Variants in LHFPL3 observed in about 807,000 individuals in gnomAD.
LHFPL3 encodes LHFPL tetraspan subfamily member 3 protein.
Under a neutral mutation model 19.3 loss-of-function variants are expected in LHFPL3, and 5 were observed. The ratio of observed to expected loss-of-function variants is 0.26; its 90% CI spans 0.14 to 0.54. The LOEUF is 0.54. LHFPL3 is among the 20% of genes least tolerant of loss of function. The probability of loss-of-function intolerance (pLI) is 0.94; values close to 1 mark genes in which losing one functional copy is unlikely to be tolerated. For missense variants in LHFPL3, 249 were observed against 307.4 expected, an observed-to-expected ratio of 0.81 and a Z score of 1.42; for synonymous variants, 133 against 126.2, an observed-to-expected ratio of 1.05 and a Z score of -0.36.
chr7:104,419,011 A>G (rs1266674812), intron 1 of LHFPL3, among the ~76,000 whole-genome samples: 1 of 152,246 alleles, frequency 6.6e-6, no homozygotes, highest in Non-Finnish European at 1.5e-5. Context: ...AATTTACCTA[A>G]GATTACACAG....
At chr7:104,735,229 T>C (rs183560331) in intron 1 of LHFPL3, among the ~76,000 whole-genome samples, 1 of 152,336 alleles carries the variant, frequency 6.6e-6, no homozygotes, top group Non-Finnish European at 1.5e-5. Flanking sequence ...GGAGAACCAC[T>C]ACTCTCTTCA....
intron 1 of LHFPL3, among the ~76,000 whole-genome samples, chr7:104,485,428 TATTTTAC>T (rs1437875474): frequency 1.3e-5 from 2 of 152,166 alleles, no homozygotes; most frequent in Non-Finnish European, 2.9e-5. Context: ...ACTATTGTGA[TATTTTAC>T]CTAGGATTTT....
At chr7:104,639,714 C>T (rs1791794459) in intron 1 of LHFPL3, among the ~76,000 whole-genome samples, 1 of 152,072 alleles carries the variant, frequency 6.6e-6, no homozygotes, top group African/African-American at 2.4e-5. Context: ...TATGGTTTGG[C>T]TCTTGAAAGG....
chr7:104,669,687 A>C (rs1792433585), intron 1 of LHFPL3: 4 of 1,188,472 alleles, frequency 3.4e-6, no homozygotes, highest in Admixed American at 2.5e-5. Flanking sequence ...TCTCCTGAAG[A>C]CCTTTCTTAC....
At chr7:104,906,090 G>C in intron 2 of LHFPL3, 97 bp from the exon 3 acceptor site, 1 of 1,172,156 alleles carries the variant, frequency 8.5e-7, no homozygotes, top group African/African-American at 1.5e-5. Flanking sequence ...TAGTTTTTCC[G>C]TGACAAATAT....
chr7:104,734,423 T>A (rs1374817973), intron 1 of LHFPL3, among the ~76,000 whole-genome samples: 1 of 152,230 alleles, frequency 6.6e-6, no homozygotes, highest in Non-Finnish European at 1.5e-5. Flanking sequence ...CGTTTCTTTT[T>A]ATTCTTTTTT....
Position 104,832,518 on chromosome 7 carries a change from CT to C in LHFPL3, c.683-73668del, listed in dbSNP as rs544470590. Reference sequence around the variant, plus strand: ...TGAGTCCTAAAGCATTTCTTTCATTCTGTTTTTTCTCATCGAGATTACTCCT... The same window carrying C: ...TGAGTCCTAAAGCATTTCTTTCATTCGTTTTTTCTCATCGAGATTACTCCT... On this transcript the variant is annotated intron_variant, in intron 2 of 2. Coordinates refer to ENST00000424859, the MANE Select transcript of LHFPL3 (RefSeq NM_199000.3). Among the ~76,000 whole-genome samples, 72 of 151,688 alleles carry C rather than the reference CT, an allele frequency of 4.7e-4. 2 individuals are homozygous for C. Among genetic ancestry groups the C allele is most frequent in the African/African-American group, 1.7e-3 (70 of 41,194 alleles).
chr7:104,450,104 G>T (rs576630387), intron 1 of LHFPL3, among the ~76,000 whole-genome samples: 37 of 152,176 alleles, frequency 2.4e-4, no homozygotes, highest in Non-Finnish European at 4.9e-4. Context: ...TTTCTTCTCA[G>T]AAACATCTGT....
intron 1 of LHFPL3, among the ~76,000 whole-genome samples, chr7:104,477,932 A>G (rs1793056780): frequency 6.6e-6 from 1 of 152,194 alleles, no homozygotes; most frequent in African/African-American, 2.4e-5. Flanking sequence ...AACAGTATTT[A>G]CAAAAAGCAC....
intron 2 of LHFPL3, among the ~76,000 whole-genome samples, chr7:104,824,342 A>G (rs1220968564): frequency 3.9e-5 from 1 of 25,370 alleles, no homozygotes; most frequent in Non-Finnish European, 6.6e-5. Context: ...TAATATATAT[A>G]ATTATAGATA....
chr7:104,773,504 A>C (rs1230064107), intron 2 of LHFPL3, among the ~76,000 whole-genome samples: 1 of 152,218 alleles, frequency 6.6e-6, no homozygotes, highest in African/African-American at 2.4e-5. Context: ...AGAAGCATAG[A>C]GATTCTGAGA....
intron 1 of LHFPL3, among the ~76,000 whole-genome samples, chr7:104,460,804 C>G (rs1307542367): frequency 1.3e-5 from 2 of 152,050 alleles, no homozygotes; most frequent in African/African-American, 4.8e-5. Flanking sequence ...TGTGTTTACT[C>G]TGTTGATAGT....
chr7:104,537,245 G>C (rs1036912054), intron 1 of LHFPL3, among the ~76,000 whole-genome samples: 3 of 152,120 alleles, frequency 2.0e-5, no homozygotes, highest in Admixed American at 6.6e-5. Flanking sequence ...ATGTGGGGGA[G>C]AGTGACATTT....
intron 1 of LHFPL3, among the ~76,000 whole-genome samples, chr7:104,592,100 G>A (rs950576823): frequency 2.6e-5 from 4 of 152,000 alleles, no homozygotes; most frequent in African/African-American, 7.2e-5. Flanking sequence ...ATTACTGATC[G>A]TCTAGAGCCT....
chr7:104,859,097 T>C (rs1791564421), intron 2 of LHFPL3, among the ~76,000 whole-genome samples: 1 of 147,646 alleles, frequency 6.8e-6, no homozygotes, highest in Admixed American at 6.7e-5. Flanking sequence ...ACCCAGTCTC[T>C]ACTAAAAAAA....
intron 1 of LHFPL3, among the ~76,000 whole-genome samples, chr7:104,420,563 T>C (rs370262182): frequency 6.6e-5 from 8 of 121,552 alleles, no homozygotes; most frequent in East Asian, 3.2e-4. Flanking sequence ...AATTTTTTTT[T>C]TTTTTTTTTT....
chr7:104,360,065 C>T (rs111492056), intron 1 of LHFPL3, among the ~76,000 whole-genome samples: 10,510 of 152,288 alleles, frequency 0.069, 419 homozygotes, highest in Middle Eastern at 0.092. Flanking sequence ...TGACACTTTC[C>T]GTTGCACCAT....
chr7:104,801,345 C>T (rs1426987691), intron 2 of LHFPL3, among the ~76,000 whole-genome samples: 1 of 152,128 alleles, frequency 6.6e-6, no homozygotes. Flanking sequence ...AAAGGCCCTT[C>T]CCATCACGGT....
chr7:104,455,684 G>T (rs766678196), intron 1 of LHFPL3, among the ~76,000 whole-genome samples: 2 of 152,122 alleles, frequency 1.3e-5, no homozygotes, highest in Non-Finnish European at 2.9e-5. Context: ...TCATGCCACT[G>T]TACTCCCACT....
Sources: allele counts gnomAD v4.1 joint callset (sites outside exome capture counted in the v4.1 genomes callset), GRCh38; gene constraint gnomAD v4.1.1; transcripts MANE v1.5; gene names NCBI Gene and HGNC (gene_info 2026-07-23, HGNC 2026-07-21).